AMIGO1: variants seen among roughly 807,000 people sequenced by gnomAD.
AMIGO1 encodes the protein adhesion molecule with Ig like domain 1.
For synonymous variants in AMIGO1, 249 were observed against 266.3 expected, an observed-to-expected ratio of 0.93 and a Z score of 0.63; for missense variants, 361 against 612.3, an observed-to-expected ratio of 0.59 and a Z score of 4.33.
Position 109,507,913 on chromosome 1 carries a change from C to T in AMIGO1, c.1000G>A (p.Glu334Lys), listed in dbSNP as rs757429542. 32 of 1,614,048 alleles carry T rather than the reference C, an allele frequency of 2.0e-5. No individual in the cohort carries two copies. The highest frequency in any genetic ancestry group is 2.5e-5 in the Non-Finnish European group (30 of 1,180,046). Residue 334 changes from glutamate (E) to lysine (K), a missense_variant, in exon 2 of 2, where the codon GAG (glutamate) becomes AAG (lysine). Coordinates refer to ENST00000369864, the MANE Select transcript of AMIGO1 (RefSeq NM_020703.4). This position sits in a 1 kb window ranked among gnomAD's most constrained non-coding sequence, Gnocchi z 4.7. ...GSLLFQQVQVEDGGVYTCYAM... is the reference protein window; with the variant it reads ...GSLLFQQVQVKDGGVYTCYAM... ...TAGCAGGTATACACACCACCGTCCT[C>T]GACCTGCACCTGCTGGAAAAGAAGA... is the stretch of plus-strand genomic sequence containing the variant.
In AMIGO1 at chr1:109,507,447, G is replaced by A. The variant is rs749036296; in HGVS notation, c.1466C>T (p.Thr489Met). ...CCATCCTGCTCACACCACAATGGGC[G>A]TATCAGAGAAGACCGAGCTGACTGA... ...PESVSSVFSDTPIVV is the reference protein window; with the variant it reads ...PESVSSVFSDMPIVV Residue 489 changes from threonine (T) to methionine (M), a missense_variant, in exon 2 of 2, where the codon ACG (threonine) becomes ATG (methionine). Transcript: ENST00000369864. This position sits in a 1 kb window ranked among gnomAD's most constrained non-coding sequence, Gnocchi z 4.7. The A allele has an allele frequency of 3.0e-5, 48 of 1,605,744 alleles. No homozygotes were observed. The Admixed American group carries it at 3.9e-4, about 13-fold the overall frequency.
At position 109,507,712 on chromosome 1, in the gene AMIGO1, G is replaced by C. The variant is rs201103189; in HGVS notation, c.1201C>G (p.Arg401Gly). Residue 401 changes from arginine to glycine, a missense_variant, in exon 2 of 2, where the codon CGG (arginine) becomes GGG (glycine). Coordinates refer to ENST00000369864, the MANE Select transcript of AMIGO1 (RefSeq NM_020703.4). The surrounding 1 kb of genome is among the most constrained non-coding windows in gnomAD (Gnocchi z 4.7). ...TGGCTGGAAGGCTTCTCTACACCCC[G>C]GCACCAGCAGCGGCAAGGGGTGAGG... Reference protein sequence around the residue: ...LYLTPCRCWCRGVEKPSSHQG... With the variant: ...LYLTPCRCWCGGVEKPSSHQG... 3.1e-6 allele frequency: 5 copies of C among 1,614,092 alleles called. No homozygotes were observed. In the South Asian group the frequency reaches 5.5e-5, roughly 18 times the overall value.
In AMIGO1 at chr1:109,508,647, T is replaced by G; in HGVS notation, c.266A>C (p.His89Pro). Residue 89 changes from histidine (H) to proline (P), a missense_variant, in exon 2 of 2, where the codon CAC becomes CCC. His to Pro is a moderately conservative substitution (Grantham distance 77). Transcript: ENST00000369864. The surrounding 1 kb of genome is among the most constrained non-coding windows in gnomAD (Gnocchi z 7.8). ...EWTPTRLTQLHSLLLSHNHLN... is the reference protein window; with the variant it reads ...EWTPTRLTQLPSLLLSHNHLN... ...GTGGTTGTGGCTCAGCAGCAGGGAG[T>G]GCAGTTGGGTCAGGCGCGTGGGGGT... 1 of 1,613,648 alleles carries G rather than the reference T, an allele frequency of 6.2e-7. No homozygotes were observed. Among genetic ancestry groups the G allele is most frequent in the Non-Finnish European group, 8.5e-7 (1 of 1,179,958 alleles).
chr1:109,504,369 C>G lies in AMIGO1; in HGVS notation c.*3062G>C, dbSNP rs953216382. The G allele has an allele frequency of 6.6e-6, 1 of 152,192 alleles. No homozygotes were observed. The highest frequency in any genetic ancestry group is 1.5e-5 in the Non-Finnish European group (1 of 68,040). 9.4% of individuals were successfully genotyped at this position (152,192 alleles called of 1,614,324 possible). A position where few individuals can be genotyped will look rare whatever the true frequency, so the allele number is the denominator to read the frequency against. On this transcript the variant is annotated 3_prime_UTR_variant, in exon 2 of 2. Transcript: ENST00000369864. ...AGAACACACAGAAAACTGGATCCAT[C>G]TGCTTTGCTCTCCCCAGCTGGGGTG...
Position 109,507,734 on chromosome 1 carries a change from G to A in AMIGO1, c.1179C>T (p.Leu393=), listed in dbSNP as rs752863643. Residue 393 remains leucine, a synonymous_variant, in exon 2 of 2, where the codon CTC becomes CTT. Coordinates refer to ENST00000369864, the MANE Select transcript of AMIGO1 (RefSeq NM_020703.4). The surrounding 1 kb of genome is among the most constrained non-coding windows in gnomAD (Gnocchi z 4.7). ...CCCGGCACCAGCAGCGGCAAGGGGT[G>A]AGGTATAGGTATATGAGGACCAGGA... ...SVVLVLIYLY[L]TPCRCWCRGV... is the part of the protein sequence containing the mutation. 3.1e-6 allele frequency: 5 copies of A among 1,614,012 alleles called. No homozygotes were observed. In the African/African-American group the frequency reaches 6.7e-5, roughly 22 times the overall value.
chr1:109,507,974 C>T lies in AMIGO1; in HGVS notation c.939G>A (p.Val313=). ...TAGACACACTCACTGTGCCATTGGT[C>T]ACCTCATCTAGCACCCGTTCATTAC... ...TPSNERVLDE[V]TNGTVSVSKD... The change falls in exon 2 of 2, where the codon GTG becomes GTA. Residue 313 remains valine, a synonymous_variant. Transcript: ENST00000369864. The surrounding 1 kb of genome is among the most constrained non-coding windows in gnomAD (Gnocchi z 4.7). The T allele has an allele frequency of 6.2e-7, 1 of 1,614,178 alleles. No homozygotes were observed.
chr1:109,508,632 C>T lies in AMIGO1; in HGVS notation c.281G>A (p.Ser94Asn), dbSNP rs1464435948. 6.2e-7 allele frequency: 1 copy of T among 1,614,154 alleles called. No individual in the cohort carries two copies. The change falls in exon 2 of 2, where the codon AGC (serine) becomes AAC (asparagine). Residue 94 changes from serine to asparagine, a missense_variant. By Grantham distance (46) the Ser-to-Asn change is conservative. Coordinates refer to ENST00000369864, the MANE Select transcript of AMIGO1 (RefSeq NM_020703.4). The surrounding 1 kb of genome is among the most constrained non-coding windows in gnomAD (Gnocchi z 7.8). ...GGAGATGAAGTTCAGGTGGTTGTGG[C>T]TCAGCAGCAGGGAGTGCAGTTGGGT... ...RLTQLHSLLL[S>N]HNHLNFISSE...
Position 109,508,532 on chromosome 1 carries a change from C to G in AMIGO1, c.381G>C (p.Glu127Asp). ...LSSNQLRTLD[E>D]FLFSDLQVLE... ...GTACTTGCAGGTCACTGAACAGGAA[C>G]TCATCCAGTGTACGCAGCTGGTTGG... is the stretch of plus-strand genomic sequence containing the variant. Residue 127 changes from glutamate (E) to aspartate (D), a missense_variant, in exon 2 of 2, where the codon GAG becomes GAC. Coordinates refer to ENST00000369864, the MANE Select transcript of AMIGO1 (RefSeq NM_020703.4). The surrounding 1 kb of genome is among the most constrained non-coding windows in gnomAD (Gnocchi z 7.8). 1 of 1,614,172 alleles carries G rather than the reference C, an allele frequency of 6.2e-7. No homozygotes were observed. The highest frequency in any genetic ancestry group is 8.5e-7 in the Non-Finnish European group (1 of 1,180,046).
Position 109,507,381 on chromosome 1 carries a change from G to C in AMIGO1, c.*50C>G. 1.9e-6 allele frequency: 3 copies of C among 1,547,662 alleles called. No individual in the cohort carries two copies. The highest frequency in any genetic ancestry group is 2.6e-6 in the Non-Finnish European group (3 of 1,145,112). On this transcript the variant is annotated 3_prime_UTR_variant, in exon 2 of 2. Transcript: ENST00000369864. The surrounding 1 kb of genome is among the most constrained non-coding windows in gnomAD (Gnocchi z 4.7). ...CTCTTCCATCCCCTCATATCCTTCA[G>C]GGGTGCATTACCTCTCCTGGGGCAG...
At chr1:109,509,211 C>T (rs2101061038) in intron 1 of AMIGO1, among the ~76,000 whole-genome samples, 1 of 152,262 alleles carries the variant, frequency 6.6e-6, no homozygotes, top group African/African-American at 2.4e-5. Context: ...CACAGGGGTG[C>T]AGGCTGCAGG....
Position 109,508,201 on chromosome 1 carries a change from A to G in AMIGO1, c.712T>C (p.Tyr238His). The G allele has an allele frequency of 6.2e-7, 1 of 1,614,152 alleles. No individual in the cohort carries two copies. Among genetic ancestry groups the G allele is most frequent in the East Asian group, 2.2e-5 (1 of 44,878 alleles). The change falls in exon 2 of 2, where the codon TAT (tyrosine) becomes CAT (histidine). Residue 238 changes from tyrosine (Y) to histidine (H), a missense_variant. Transcript: ENST00000369864. The surrounding 1 kb of genome is among the most constrained non-coding windows in gnomAD (Gnocchi z 7.8). ...TCCATCACGGAGCTCAGCTGCCGAT[A>G]CTGCCAGTGTGAAAACAGCTGGTAG... ...ELYQLFSHWQ[Y>H]RQLSSVMDFQ...
In AMIGO1 at chr1:109,506,413, A is replaced by T. The variant is rs1658024490; in HGVS notation, c.*1018T>A. 6.6e-6 allele frequency: 1 copy of T among 152,260 alleles called. No individual in the cohort carries two copies. Among genetic ancestry groups the T allele is most frequent in the Non-Finnish European group, 1.5e-5 (1 of 68,064 alleles). The allele number at this position is 152,260 out of a possible 1,614,324, so 9.4% of individuals were successfully genotyped here. A position where few individuals can be genotyped will look rare whatever the true frequency, so the allele number is the denominator to read the frequency against. On this transcript the variant is annotated 3_prime_UTR_variant, in exon 2 of 2. Coordinates refer to ENST00000369864, the MANE Select transcript of AMIGO1 (RefSeq NM_020703.4). ...CACCTGAGCTTGATAAGGAGACTGGATGAAGAGATGGCATACATTGAGAAT... is the reference window on the plus strand; with the variant it reads ...CACCTGAGCTTGATAAGGAGACTGGTTGAAGAGATGGCATACATTGAGAAT...
Position 109,508,526 on chromosome 1 carries a change from C to CAGG in AMIGO1, c.384_386dup (p.Leu129dup). On this transcript the variant is annotated inframe_insertion, in exon 2 of 2. Coordinates refer to ENST00000369864, the MANE Select transcript of AMIGO1 (RefSeq NM_020703.4). The surrounding 1 kb of genome is among the most constrained non-coding windows in gnomAD (Gnocchi z 7.8). ...CCTCCAGTACTTGCAGGTCACTGAA[C>CAGG]AGGAACTCATCCAGTGTACGCAGCT... The CAGG allele has an allele frequency of 6.2e-7, 1 of 1,614,128 alleles. No homozygotes were observed. The highest frequency in any genetic ancestry group is 8.5e-7 in the Non-Finnish European group (1 of 1,180,028).
Position 109,507,048 on chromosome 1 carries a change from T to G in AMIGO1, c.*383A>C, listed in dbSNP as rs946413316. On this transcript the variant is annotated 3_prime_UTR_variant, in exon 2 of 2. Coordinates refer to ENST00000369864, the MANE Select transcript of AMIGO1 (RefSeq NM_020703.4). This position sits in a 1 kb window ranked among gnomAD's most constrained non-coding sequence, Gnocchi z 4.7. Reference sequence around the variant, plus strand: ...CATCACAGGTGTGGGTGGGCAGAGATAGAAAAAATTTTTTTTTCTAAATGT... The same window carrying G: ...CATCACAGGTGTGGGTGGGCAGAGAGAGAAAAAATTTTTTTTTCTAAATGT... 7 of 178,034 alleles carry G rather than the reference T, an allele frequency of 3.9e-5. No homozygotes were observed. Among genetic ancestry groups the G allele is most frequent in the Non-Finnish European group, 6.1e-5 (5 of 82,584 alleles). 11.0% of individuals were successfully genotyped at this position (178,034 alleles called of 1,614,324 possible).
In AMIGO1 at chr1:109,504,334, T is replaced by G. The variant is rs1440236050; in HGVS notation, c.*3097A>C. The G allele has an allele frequency of 2.0e-5, 3 of 152,160 alleles. No homozygotes were observed. The highest frequency in any genetic ancestry group is 2.9e-5 in the Non-Finnish European group (2 of 68,036). The allele number at this position is 152,160 out of a possible 1,614,324, so 9.4% of individuals were successfully genotyped here. On this transcript the variant is annotated 3_prime_UTR_variant, in exon 2 of 2. Transcript: ENST00000369864. ...CTTTGTCAGCAGAGCTACGAGGAAG[T>G]ACAGAGGTAAGAACACACAGAAAAC...
At position 109,507,384 on chromosome 1, in the gene AMIGO1, G is replaced by C. The variant is rs755814111; in HGVS notation, c.*47C>G. 3 of 1,551,482 alleles carry C rather than the reference G, an allele frequency of 1.9e-6. No individual in the cohort carries two copies. The highest frequency in any genetic ancestry group is 2.6e-6 in the Non-Finnish European group (3 of 1,146,364). On this transcript the variant is annotated 3_prime_UTR_variant, in exon 2 of 2. Coordinates refer to ENST00000369864, the MANE Select transcript of AMIGO1 (RefSeq NM_020703.4). The surrounding 1 kb of genome is among the most constrained non-coding windows in gnomAD (Gnocchi z 4.7). ...TTCCATCCCCTCATATCCTTCAGGG[G>C]TGCATTACCTCTCCTGGGGCAGAAT...
At position 109,508,642 on chromosome 1, in the gene AMIGO1, G is replaced by A. The variant is rs1658085266; in HGVS notation, c.271C>T (p.Leu91=). The A allele has an allele frequency of 1.2e-6, 2 of 1,614,204 alleles. No homozygotes were observed. Among genetic ancestry groups the A allele is most frequent in the Non-Finnish European group, 1.7e-6 (2 of 1,180,040 alleles). ...TPTRLTQLHS[L]LLSHNHLNFI... Reference sequence around the variant, plus strand: ...TTCAGGTGGTTGTGGCTCAGCAGCAGGGAGTGCAGTTGGGTCAGGCGCGTG... The same window carrying A: ...TTCAGGTGGTTGTGGCTCAGCAGCAAGGAGTGCAGTTGGGTCAGGCGCGTG... The change falls in exon 2 of 2, where the codon CTG becomes TTG. Residue 91 remains leucine, a synonymous_variant. Transcript: ENST00000369864. The surrounding 1 kb of genome is among the most constrained non-coding windows in gnomAD (Gnocchi z 7.8).
rs1172058853 is a variant in AMIGO1 at position 109,507,493 on chromosome 1, G to A, written c.1420C>T (p.Arg474Trp). 2 of 1,613,974 alleles carry A rather than the reference G, an allele frequency of 1.2e-6. No individual in the cohort carries two copies. The highest frequency in any genetic ancestry group is 1.3e-5 in the African/African-American group (1 of 74,922). The change falls in exon 2 of 2, where the codon CGG becomes TGG. Residue 474 changes from arginine (R) to tryptophan (W), a missense_variant. By Grantham distance (101) the Arg-to-Trp change is moderately radical. Transcript: ENST00000369864. The surrounding 1 kb of genome is among the most constrained non-coding windows in gnomAD (Gnocchi z 4.7). Reference protein sequence around the residue: ...PVPEATGKGQRRMSDPESVSS... With the variant: ...PVPEATGKGQWRMSDPESVSS... Reference sequence around the variant, plus strand: ...ACTGATTCTGGATCCGACATCCTCCGTTGGCCCTTGCCTGTGGCCTCAGGC... The same window carrying A: ...ACTGATTCTGGATCCGACATCCTCCATTGGCCCTTGCCTGTGGCCTCAGGC...
chr1:109,509,076 C>T (rs1658101840), intron 1 of AMIGO1, 77 bp from the exon 2 acceptor site: 1 of 770,332 alleles, frequency 1.3e-6, no homozygotes, highest in Admixed American at 3.1e-5. Context: ...TCCCCTCCCA[C>T]CCTTACCTCC....
Sources: gnomAD v4.1 joint callset for allele counts (sites outside exome capture counted in the v4.1 genomes callset) on GRCh38, gnomAD v4.1.1 for gene constraint, Gnocchi (gnomAD v3.1) non-coding constraint, MANE v1.5 for transcripts, NCBI Gene and HGNC (gene_info 2026-07-23, HGNC 2026-07-21) for gene names.